The following PLEKHA4 variants were observed in gnomAD, a reference collection of about 807,000 sequenced individuals.
PLEKHA4 encodes the protein pleckstrin homology domain-containing family A member 4.
PLEKHA4 carries 73 observed loss-of-function variants against 94.7 expected under a neutral mutation model. The ratio of observed to expected loss-of-function variants is 0.77; its 90% CI spans 0.64 to 0.94. The LOEUF (loss-of-function observed/expected upper bound fraction) is 0.94. PLEKHA4 is among the 40% of genes least tolerant of loss of function. The pLI, the probability that PLEKHA4 is intolerant of heterozygous loss-of-function variation, is 0.00. For synonymous variants in PLEKHA4, 449 were observed against 437.1 expected (o/e 1.03, Z -0.34); for missense variants, 1,049 against 1,054.1 (o/e 1.00, Z 0.07).
intron 3 of PLEKHA4, among the ~76,000 whole-genome samples, chr19:48,864,420 A>G (rs993190418): frequency 6.6e-6 from 1 of 151,854 alleles, no homozygotes; most frequent in African/African-American, 2.4e-5. Flanking sequence ...CGCCCGCCTC[A>G]GCCTCCCAAA....
chr19:48,857,548 C>T, intron 8 of PLEKHA4, 52 bp from the exon 9 acceptor site: 4 of 1,041,594 alleles, frequency 3.8e-6, no homozygotes, highest in African/African-American at 3.1e-5. Flanking sequence ...GTCTGGGAGA[C>T]TTTTCATTTT....
rs2035571548 is a variant in PLEKHA4 at position 48,837,414 on chromosome 19, T to A, written c.2215A>T (p.Ser739Cys). 6.2e-7 allele frequency: 1 copy of A among 1,613,144 alleles called. No homozygotes were observed. The highest frequency in any genetic ancestry group is 2.2e-5 in the East Asian group (1 of 44,826). The change falls in exon 20 of 20, where the codon AGT (serine) becomes TGT (cysteine). Residue 739 changes from serine (S) to cysteine (C), a missense_variant. By Grantham distance (112) the Ser-to-Cys change is moderately radical. Coordinates refer to ENST00000263265, the MANE Select transcript of PLEKHA4 (RefSeq NM_020904.3). This position sits in a 1 kb window ranked among gnomAD's most constrained non-coding sequence, Gnocchi z 4.3. Reference protein sequence around the residue: ...SGSTGFSRRGSGRGGGPTPWG... With the variant: ...SGSTGFSRRGCGRGGGPTPWG... ...GGGGTGGGACCTCCTCCACGCCCAC[T>A]CCCTCGGCGAGAGAACCCCGTGGAA... is the stretch of plus-strand genomic sequence containing the variant.
chr19:48,848,751 C>G (rs868580575), intron 13 of PLEKHA4, among the ~76,000 whole-genome samples: 2 of 150,190 alleles, frequency 1.3e-5, no homozygotes, highest in South Asian at 4.2e-4. Context: ...GAGCTGAGAT[C>G]GTGCCACTGC....
Position 48,867,729 on chromosome 19 carries a change from T to A in PLEKHA4, c.-6-103A>T. 1.8e-6 allele frequency: 2 copies of A among 1,123,858 alleles called. No individual in the cohort carries two copies. Among genetic ancestry groups the A allele is most frequent in the South Asian group, 2.8e-5 (2 of 71,740 alleles). 69.6% of individuals were successfully genotyped at this position (1,123,858 alleles called of 1,614,324 possible). ...CGGAGGAGGCTGCAGAGAAAGAGCC[T>A]GTTGTTTCGGGACTTGGGGGGCTGG... On this transcript the variant is annotated intron_variant, in intron 1 of 19. Coordinates refer to ENST00000263265, the MANE Select transcript of PLEKHA4 (RefSeq NM_020904.3). The surrounding 1 kb of genome is among the most constrained non-coding windows in gnomAD (Gnocchi z 4.7).
chr19:48,860,642 C>CA (rs987695002), intron 5 of PLEKHA4, among the ~76,000 whole-genome samples, 183 bp from the exon 6 acceptor site: 1 of 151,714 alleles, frequency 6.6e-6, no homozygotes, highest in Non-Finnish European at 1.5e-5. Flanking sequence ...CCCGTCTCTA[C>CA]AAAAAAATCA....
chr19:48,857,014 C>T (rs2036447895), intron 9 of PLEKHA4, among the ~76,000 whole-genome samples: 1 of 151,138 alleles, frequency 6.6e-6, no homozygotes, highest in South Asian at 2.1e-4. Flanking sequence ...CATGGGGTGT[C>T]CTAATAGGAG....
At chr19:48,865,466 G>A (rs2036795700) in intron 3 of PLEKHA4, 37 bp downstream of exon 3, 3 of 1,525,186 alleles carry the variant, frequency 2.0e-6, no homozygotes, top group Non-Finnish European at 2.7e-6. Context: ...CCGGGGCACA[G>A]ACTTCAGTGT....
At position 48,837,176 on chromosome 19, in the gene PLEKHA4, G is replaced by T. The variant is rs1177421904; in HGVS notation, c.*113C>A. 10 of 1,482,300 alleles carry T rather than the reference G, an allele frequency of 6.7e-6. No homozygotes were observed. In the African/African-American group the frequency reaches 9.9e-5, roughly 15 times the overall value. 91.8% of individuals were successfully genotyped at this position (1,482,300 alleles called of 1,614,324 possible). A position where few individuals can be genotyped will look rare whatever the true frequency, so the allele number is the denominator to read the frequency against. On this transcript the variant is annotated 3_prime_UTR_variant, in exon 20 of 20. Transcript: ENST00000263265. This position sits in a 1 kb window ranked among gnomAD's most constrained non-coding sequence, Gnocchi z 4.3. ...GGCCATAGAAACCATTCCCCTCCCG[G>T]GCCCGCAATGGGGACCAGACCACGC...
Position 48,867,450 on chromosome 19 carries a change from C to G in PLEKHA4, c.84+87G>C, listed in dbSNP as rs1182653502. 2 of 1,451,212 alleles carry G rather than the reference C, an allele frequency of 1.4e-6. No individual in the cohort carries two copies. Among genetic ancestry groups the G allele is most frequent in the Non-Finnish European group, 1.9e-6 (2 of 1,068,490 alleles). The allele number at this position is 1,451,212 out of a possible 1,614,324, so 89.9% of individuals were successfully genotyped here. A position where few individuals can be genotyped will look rare whatever the true frequency, so the allele number is the denominator to read the frequency against. On this transcript the variant is annotated intron_variant, in intron 2 of 19. Coordinates refer to ENST00000263265, the MANE Select transcript of PLEKHA4 (RefSeq NM_020904.3). This position sits in a 1 kb window ranked among gnomAD's most constrained non-coding sequence, Gnocchi z 4.7. ...AGACCCCGTTGCTAAGGATCTTTGTCCTTAACAACCAGAGTCCTTGGGGAA... is the reference window on the plus strand; with the variant it reads ...AGACCCCGTTGCTAAGGATCTTTGTGCTTAACAACCAGAGTCCTTGGGGAA...
At chr19:48,846,802 A>G (rs1357092362) in intron 14 of PLEKHA4, among the ~76,000 whole-genome samples, 1 of 152,152 alleles carries the variant, frequency 6.6e-6, no homozygotes, top group East Asian at 1.9e-4. Flanking sequence ...CAGGAGCCAG[A>G]TGTCCTGGCT....
intron 12 of PLEKHA4, 54 bp from the exon 13 acceptor site, chr19:48,852,380 T>TA (rs2036232292): frequency 1.5e-6 from 2 of 1,332,396 alleles, no homozygotes; most frequent in Non-Finnish European, 2.2e-6. Context: ...CACCAGATCC[T>TA]TCCCCACCCC....
chr19:48,847,665 G>A (rs1166614869), intron 14 of PLEKHA4, among the ~76,000 whole-genome samples: 2 of 152,178 alleles, frequency 1.3e-5, no homozygotes, highest in Non-Finnish European at 2.9e-5. Context: ...CCAGGAGGTG[G>A]AGGTTGCAGT....
Position 48,838,008 on chromosome 19 carries a change from G to C in PLEKHA4, c.2077+9C>G, listed in dbSNP as rs1420409116. On this transcript the variant is annotated intron_variant, in intron 19 of 19. Coordinates refer to ENST00000263265, the MANE Select transcript of PLEKHA4 (RefSeq NM_020904.3). The stretch of plus-strand genomic sequence containing the variant: ...AAAACCCAGAAGTCCAACATCCCCA[G>C]CCAGTCACCTGTCATCATTCTGTGC... 3 of 1,601,446 alleles carry C rather than the reference G, an allele frequency of 1.9e-6. No homozygotes were observed. Among genetic ancestry groups the C allele is most frequent in the Non-Finnish European group, 2.6e-6 (3 of 1,169,400 alleles).
Position 48,852,324 on chromosome 19 carries a change from C to A in PLEKHA4, c.1329G>T (p.Glu443Asp). 6.2e-7 allele frequency: 1 copy of A among 1,613,610 alleles called. No individual in the cohort carries two copies. The highest frequency in any genetic ancestry group is 1.3e-5 in the African/African-American group (1 of 75,020). ...VRATLCHLTQERERVWDTYSG... is the reference protein window; with the variant it reads ...VRATLCHLTQDRERVWDTYSG... ...TGTACGTGTCCCAAACCCTCTCTCGCTCCTCAGGTTGCATAAAGGGGGAGA... is the reference window on the plus strand; with the variant it reads ...TGTACGTGTCCCAAACCCTCTCTCGATCCTCAGGTTGCATAAAGGGGGAGA... The change falls in exon 13 of 20, where the codon GAG becomes GAT. Residue 443 changes from glutamate (E) to aspartate (D), a missense_variant and splice_region_variant. Coordinates refer to ENST00000263265, the MANE Select transcript of PLEKHA4 (RefSeq NM_020904.3).
At chr19:48,840,940 A>G (rs1157126330) in intron 17 of PLEKHA4, among the ~76,000 whole-genome samples, 1 of 122,758 alleles carries the variant, frequency 8.1e-6, no homozygotes, top group East Asian at 2.2e-4. Flanking sequence ...GCCCCCACCC[A>G]CTGTCCTCCC....
At position 48,837,394 on chromosome 19, in the gene PLEKHA4, G is replaced by A; in HGVS notation, c.2235C>T (p.Pro745=). 1 of 1,613,658 alleles carries A rather than the reference G, an allele frequency of 6.2e-7. No homozygotes were observed. Residue 745 remains proline (P), a synonymous_variant, in exon 20 of 20, where the codon CCC becomes CCT. Transcript: ENST00000263265. This position sits in a 1 kb window ranked among gnomAD's most constrained non-coding sequence, Gnocchi z 4.3. ...SRRGSGRGGG[P]TPWGPAWDAG... is the part of the protein sequence containing the mutation. ...CATCCCACGCGGGCCCCCAGGGGGT[G>A]GGACCTCCTCCACGCCCACTCCCTC... is the stretch of plus-strand genomic sequence containing the variant.
rs1235225419 is a variant in PLEKHA4, at chr19:48,837,640, C to T, written c.2078-89G>A. ...CCCTCCTCCCTCAGACCCAGGACTC[C>T]GGATTCCCAGCCCCTCCTCCATCAG... On this transcript the variant is annotated intron_variant, in intron 19 of 19. Coordinates refer to ENST00000263265, the MANE Select transcript of PLEKHA4 (RefSeq NM_020904.3). This position sits in a 1 kb window ranked among gnomAD's most constrained non-coding sequence, Gnocchi z 4.3. 2 of 1,485,964 alleles carry T rather than the reference C, an allele frequency of 1.3e-6. No individual in the cohort carries two copies. The highest frequency in any genetic ancestry group is 9.2e-7 in the Non-Finnish European group (1 of 1,087,832). The allele number at this position is 1,485,964 out of a possible 1,614,324, so 92.0% of individuals were successfully genotyped here.
chr19:48,848,485 C>CAA (rs5828364), intron 13 of PLEKHA4, among the ~76,000 whole-genome samples: 2,639 of 92,596 alleles, frequency 0.029, 101 homozygotes, highest in African/African-American at 0.091. Context: ...GACTCCGTCT[C>CAA]AAAAAAAAAA....
In PLEKHA4 at chr19:48,837,995, T is replaced by G. The variant is rs372034653; in HGVS notation, c.2077+22A>C. 4 of 1,581,654 alleles carry G rather than the reference T, an allele frequency of 2.5e-6. No homozygotes were observed. The highest frequency in any genetic ancestry group is 3.5e-6 in the Non-Finnish European group (4 of 1,152,354). On this transcript the variant is annotated intron_variant, in intron 19 of 19. Transcript: ENST00000263265. This position sits in a 1 kb window ranked among gnomAD's most constrained non-coding sequence, Gnocchi z 4.3. Reference sequence around the variant, plus strand: ...CTCTCTCCTCCCTAAAACCCAGAAGTCCAACATCCCCAGCCAGTCACCTGT... The same window carrying G: ...CTCTCTCCTCCCTAAAACCCAGAAGGCCAACATCCCCAGCCAGTCACCTGT...
Sources: allele counts gnomAD v4.1 joint callset (sites outside exome capture counted in the v4.1 genomes callset), GRCh38; gene constraint gnomAD v4.1.1; non-coding constraint Gnocchi (gnomAD v3.1); transcripts MANE v1.5; gene names NCBI Gene and HGNC (gene_info 2026-07-23, HGNC 2026-07-21).